Variants in AFF3 observed in about 807,000 individuals in gnomAD.
AFF3 encodes ALF transcription elongation factor 3.
A neutral mutation model predicts 129.7 loss-of-function variants in AFF3; 32 were observed. The observed-to-expected ratio is 0.25, with a 90% CI of 0.19 to 0.33. The LOEUF (loss-of-function observed/expected upper bound fraction) is 0.33, where lower values mean the gene tolerates loss of function less well. Among genes scored for constraint, AFF3 ranks in the 10% least tolerant of loss-of-function variants. The probability of loss-of-function intolerance (pLI) is 1.00; values close to 1 mark genes in which losing one functional copy is unlikely to be tolerated. For missense variants in AFF3, 1,373 were observed against 1,592.0 expected, an observed-to-expected ratio of 0.86 and a Z score of 2.34; for synonymous variants, 644 against 635.4, an observed-to-expected ratio of 1.01 and a Z score of -0.20.
At chr2:99,678,352 T>C (rs1674202364) in intron 11 of AFF3, among the ~76,000 whole-genome samples, 1 of 152,208 alleles carries the variant, frequency 6.6e-6, no homozygotes, top group African/African-American at 2.4e-5. Flanking sequence ...TAAAATTTCT[T>C]GGGAAGCAGA....
rs190279606 is a variant in AFF3 at position 100,135,794 on chromosome 2, G to A, written c.-227-6488C>T. Among the ~76,000 whole-genome samples, 6 of 152,312 alleles carry A rather than the reference G, an allele frequency of 3.9e-5. No individual in the cohort carries two copies. The East Asian group carries it at 7.7e-4, about 20-fold the overall frequency. ...GTTATAAGAATTCCTCCAGCTCTGC[G>A]CTAAGAACAGTGTGAAGGAGGGAGA... On this transcript the variant is annotated intron_variant, in intron 1 of 24. Coordinates refer to ENST00000672756, the MANE Select transcript of AFF3 (RefSeq NM_001386135.1).
In AFF3 at chr2:99,854,835, C is replaced by A. The variant is rs140995998; in HGVS notation, c.874-17311G>T. Reference sequence around the variant, plus strand: ...TTGAAATGAAGGTTAAGAAATAGATCTGCATATAATGATCCATTTATTTTT... The same window carrying A: ...TTGAAATGAAGGTTAAGAAATAGATATGCATATAATGATCCATTTATTTTT... On this transcript the variant is annotated intron_variant, in intron 7 of 24. Transcript: ENST00000672756. Among the ~76,000 whole-genome samples, 233 of 152,280 alleles carry A rather than the reference C, an allele frequency of 1.5e-3. 1 individual carries two copies. Among genetic ancestry groups the A allele is most frequent in the African/African-American group, 5.4e-3 (224 of 41,552 alleles).
chr2:99,971,220 T>G (rs1678341039), intron 7 of AFF3, among the ~76,000 whole-genome samples: 1 of 152,124 alleles, frequency 6.6e-6, no homozygotes, highest in Non-Finnish European at 1.5e-5. Flanking sequence ...CCCGTCCAGT[T>G]CCTCTTTCCT....
At chr2:99,641,197 A>AATATT (rs1477527363) in intron 13 of AFF3, among the ~76,000 whole-genome samples, 1 of 152,132 alleles carries the variant, frequency 6.6e-6, no homozygotes, top group Non-Finnish European at 1.5e-5. Context: ...AGAGTAGGGT[A>AATATT]ATATTGTACC....
chr2:99,610,819 T>C (rs1005930534), intron 13 of AFF3, among the ~76,000 whole-genome samples: 1 of 152,246 alleles, frequency 6.6e-6, no homozygotes, highest in African/African-American at 2.4e-5. Context: ...TGTAGGTTTA[T>C]GTCTTTTGTA....
Position 99,696,527 on chromosome 2 carries a change from T to C in AFF3, c.1092-23938A>G, listed in dbSNP as rs1676284159. On this transcript the variant is annotated intron_variant, in intron 11 of 24. Transcript: ENST00000672756. ...GAAGAGAATCAGGTCAAACTTATTA[T>C]TACACTTGTATTGCTCTTTCTTCCT... Among the ~76,000 whole-genome samples the C allele has an allele frequency of 5.2e-5, 8 of 152,384 alleles. No homozygotes were observed. The South Asian group carries it at 1.4e-3, about 28-fold the overall frequency.
chr2:99,659,176 C>T (rs1197951577), intron 12 of AFF3, among the ~76,000 whole-genome samples: 1 of 152,204 alleles, frequency 6.6e-6, no homozygotes, highest in African/African-American at 2.4e-5. Context: ...GGCAAACCTA[C>T]TGGTGCTGTT....
At chr2:99,879,190 CT>C (rs1233807895) in intron 7 of AFF3, among the ~76,000 whole-genome samples, 1 of 152,212 alleles carries the variant, frequency 6.6e-6, no homozygotes, top group Non-Finnish European at 1.5e-5. Flanking sequence ...ATTATTTATG[CT>C]TTTGAAAAAA....
intron 8 of AFF3, among the ~76,000 whole-genome samples, chr2:99,825,940 G>A (rs1393440577): frequency 6.6e-6 from 1 of 152,190 alleles, no homozygotes. Context: ...TTCAGGACTA[G>A]AAGGACAAAA....
At chr2:99,551,672 A>G in intron 24 of AFF3, 77 bp from the exon 25 acceptor site, 1 of 1,562,422 alleles carries the variant, frequency 6.4e-7, no homozygotes, top group Non-Finnish European at 8.8e-7. Context: ...GTAAGGAAAA[A>G]TTCCATTCAT....
intron 11 of AFF3, chr2:99,707,254 C>G (rs1677486771): frequency 1.0e-6 from 1 of 984,946 alleles, no homozygotes; most frequent in Non-Finnish European, 1.2e-6. Context: ...GTGACATGTC[C>G]AAGATTAAAG....
At chr2:99,898,938 T>A (rs998388324) in intron 7 of AFF3, among the ~76,000 whole-genome samples, 1 of 152,190 alleles carries the variant, frequency 6.6e-6, no homozygotes, top group African/African-American at 2.4e-5. Context: ...GTCTCCTTCC[T>A]GTTTCCTGTC....
chr2:99,744,138 G>A lies in AFF3; in HGVS notation c.1005C>T (p.Asp335=). 6.2e-7 allele frequency: 1 copy of A among 1,604,410 alleles called. No individual in the cohort carries two copies. Among genetic ancestry groups the A allele is most frequent in the South Asian group, 1.1e-5 (1 of 89,226 alleles). The stretch of plus-strand genomic sequence containing the variant: ...TGTGTCCAGAGGATACAAGCTGAGA[G>A]TCCTGAAAGAACAAGAAATATCAAT... The part of the protein sequence containing the change: ...EPTKFPFPNK[D]SQLVSSGHNN... The change falls in exon 10 of 25, where the codon GAC becomes GAT. Residue 335 remains aspartate, a splice_region_variant and synonymous_variant. Coordinates refer to ENST00000672756, the MANE Select transcript of AFF3 (RefSeq NM_001386135.1).
At chr2:99,709,689 C>T (rs1410263838) in intron 11 of AFF3, among the ~76,000 whole-genome samples, 1 of 152,104 alleles carries the variant, frequency 6.6e-6, no homozygotes, top group Non-Finnish European at 1.5e-5. Flanking sequence ...AGAAGTGAAG[C>T]TATATGGTTA....
intron 7 of AFF3, among the ~76,000 whole-genome samples, chr2:99,945,457 C>T (rs1675466309): frequency 6.6e-6 from 1 of 152,198 alleles, no homozygotes; most frequent in African/African-American, 2.4e-5. Context: ...AGACTGCCCA[C>T]CCAGGCATCC....
At chr2:100,027,871 A>G (rs1178482031) in intron 4 of AFF3, among the ~76,000 whole-genome samples, 2 of 152,184 alleles carry the variant, frequency 1.3e-5, no homozygotes, top group Non-Finnish European at 2.9e-5. Context: ...ATTAATGTTA[A>G]GCATATTATA....
intron 13 of AFF3, among the ~76,000 whole-genome samples, chr2:99,624,991 C>CT (rs1375017800): frequency 9.2e-5 from 14 of 152,172 alleles, no homozygotes; most frequent in African/African-American, 2.9e-4. Flanking sequence ...GATACAGTCT[C>CT]TCGTGGAAAA....
intron 14 of AFF3, among the ~76,000 whole-genome samples, chr2:99,596,554 C>T (rs1311652876): frequency 1.3e-5 from 2 of 152,048 alleles, no homozygotes; most frequent in Non-Finnish European, 2.9e-5. Flanking sequence ...AGAAAGGGTG[C>T]ACATATTGGA....
intron 1 of AFF3, among the ~76,000 whole-genome samples, chr2:100,130,356 T>G (rs983022850): frequency 6.6e-6 from 1 of 152,066 alleles, no homozygotes; most frequent in Admixed American, 6.5e-5. Flanking sequence ...GACCAGATAC[T>G]CACCTCATCT....
Sources: allele counts gnomAD v4.1 joint callset (sites outside exome capture counted in the v4.1 genomes callset), GRCh38; gene constraint gnomAD v4.1.1; transcripts MANE v1.5; gene names NCBI Gene and HGNC (gene_info 2026-07-23, HGNC 2026-07-21).